The following PTPRR variants were observed in gnomAD, a reference collection of about 807,000 sequenced individuals.
PTPRR encodes the protein receptor-type tyrosine-protein phosphatase R.
A neutral mutation model predicts 77.2 loss-of-function variants in PTPRR; 38 were observed. The observed-to-expected ratio is 0.49, with a 90% CI of 0.38 to 0.65. The LOEUF is 0.65. PTPRR is among the 30% of genes least tolerant of loss of function. The pLI is 0.00. For synonymous variants in PTPRR, 299 were observed against 283.1 expected, an observed-to-expected ratio of 1.06 and a Z score of -0.57; for missense variants, 744 against 799.2, an observed-to-expected ratio of 0.93 and a Z score of 0.83.
intron 2 of PTPRR, among the ~76,000 whole-genome samples, chr12:70,824,172 C>T (rs1216761389): frequency 2.0e-5 from 3 of 152,184 alleles, no homozygotes; most frequent in Non-Finnish European, 4.4e-5. Context: ...AGTCCTTACA[C>T]AGCAGCTCAG....
intron 10 of PTPRR, among the ~76,000 whole-genome samples, chr12:70,666,686 T>C (rs1227818119): frequency 6.6e-6 from 1 of 152,092 alleles, no homozygotes. Flanking sequence ...GCATTTATAT[T>C]GTTTCATAGG....
intron 6 of PTPRR, among the ~76,000 whole-genome samples, chr12:70,726,712 C>T (rs11178379): frequency 0.7 from 106,427 of 151,664 alleles, 38,315 homozygotes; most frequent in East Asian, 1. Context: ...TCCCAAGTAG[C>T]TGGGATTACA....
chr12:70,670,498 T>G (rs549248723), intron 10 of PTPRR, among the ~76,000 whole-genome samples: 86 of 152,302 alleles, frequency 5.6e-4, no homozygotes, highest in African/African-American at 1.9e-3. Flanking sequence ...TAGAGGAAAA[T>G]AAACTGAATT....
chr12:70,677,738 G>A (rs892229716), intron 10 of PTPRR, among the ~76,000 whole-genome samples: 1 of 152,132 alleles, frequency 6.6e-6, no homozygotes, highest in Non-Finnish European at 1.5e-5. Flanking sequence ...AACCATTCTT[G>A]CATCCCTGGG....
intron 1 of PTPRR, among the ~76,000 whole-genome samples, chr12:70,914,383 G>A (rs1476718070): frequency 2.0e-5 from 3 of 152,134 alleles, no homozygotes; most frequent in East Asian, 1.9e-4. Context: ...TTTCACCTCC[G>A]ACATTATTAT....
intron 1 of PTPRR, among the ~76,000 whole-genome samples, chr12:70,896,426 C>T (rs1893429510): frequency 6.6e-6 from 1 of 151,176 alleles, no homozygotes; most frequent in South Asian, 2.1e-4. Context: ...CACCAGAATA[C>T]ACAATCTTTT....
chr12:70,863,065 T>G (rs1892781173), intron 2 of PTPRR, among the ~76,000 whole-genome samples: 1 of 152,174 alleles, frequency 6.6e-6, no homozygotes, highest in Non-Finnish European at 1.5e-5. Context: ...ATTGCCCTAT[T>G]CTCTACTAGA....
chr12:70,745,407 G>GCAT (rs1342934373), intron 6 of PTPRR, among the ~76,000 whole-genome samples: 1 of 152,188 alleles, frequency 6.6e-6, no homozygotes, highest in Non-Finnish European at 1.5e-5. Flanking sequence ...TTAATCTGTG[G>GCAT]CATCAACTCC....
At chr12:70,777,745 A>T (rs1305051630) in intron 2 of PTPRR, among the ~76,000 whole-genome samples, 1 of 152,138 alleles carries the variant, frequency 6.6e-6, no homozygotes. Flanking sequence ...AAACTGCATT[A>T]AAAATGGTGG....
At chr12:70,885,862 T>G (rs1893232326) in intron 2 of PTPRR, among the ~76,000 whole-genome samples, 1 of 152,076 alleles carries the variant, frequency 6.6e-6, no homozygotes, top group East Asian at 1.9e-4. Flanking sequence ...CCGCTTTTCC[T>G]TATCTAAACT....
intron 12 of PTPRR, among the ~76,000 whole-genome samples, chr12:70,659,012 C>T (rs1469816111): frequency 8.7e-5 from 13 of 148,844 alleles, no homozygotes; most frequent in Admixed American, 6.9e-4. Context: ...AAGCGATTCT[C>T]CTGCCTCCGC....
Position 70,639,008 on chromosome 12 carries a change from T to C in PTPRR, c.*176A>G, listed in dbSNP as rs145029505. On this transcript the variant is annotated 3_prime_UTR_variant, in exon 14 of 14. Transcript: ENST00000283228. Reference sequence around the variant, plus strand: ...TGGGGGATGCTTACAAATGCATTCATATACACAAGGAGCTGGAAATCTTAA... The same window carrying C: ...TGGGGGATGCTTACAAATGCATTCACATACACAAGGAGCTGGAAATCTTAA... 4 of 623,482 alleles carry C rather than the reference T, an allele frequency of 6.4e-6. No individual in the cohort carries two copies. The highest frequency in any genetic ancestry group is 5.5e-5 in the African/African-American group (3 of 54,720). The allele number at this position is 623,482 out of a possible 1,614,324, so 38.6% of individuals were successfully genotyped here.
intron 1 of PTPRR, among the ~76,000 whole-genome samples, chr12:70,906,674 A>G (rs11178483): frequency 0.025 from 3,771 of 152,200 alleles, 230 homozygotes; most frequent in East Asian, 0.18. Flanking sequence ...TGCCTTAGTT[A>G]TGTTCCAACA....
At chr12:70,911,253 C>T (rs1893694712) in intron 1 of PTPRR, among the ~76,000 whole-genome samples, 1 of 152,138 alleles carries the variant, frequency 6.6e-6, no homozygotes, top group African/African-American at 2.4e-5. Context: ...ATTCCATGGG[C>T]TACAAATGGT....
At chr12:70,673,064 AATAT>A in intron 10 of PTPRR, 1 of 1,180,486 alleles carries the variant, frequency 8.5e-7, no homozygotes, top group Non-Finnish European at 1.1e-6. Flanking sequence ...GAAAGAAAGA[AATAT>A]ATATTTGACT....
At chr12:70,640,632 T>A (rs1370848047) in intron 13 of PTPRR, among the ~76,000 whole-genome samples, 1 of 152,240 alleles carries the variant, frequency 6.6e-6, no homozygotes, top group East Asian at 1.9e-4. Flanking sequence ...TTTAACTCTA[T>A]GTTTTAACCA....
chr12:70,683,984 T>G, intron 10 of PTPRR, 143 bp downstream of exon 10: 1 of 810,110 alleles, frequency 1.2e-6, no homozygotes, highest in South Asian at 2.3e-5. Flanking sequence ...ACTTATTATA[T>G]TTGGGATGTA....
intron 1 of PTPRR, among the ~76,000 whole-genome samples, chr12:70,901,496 T>C (rs1893533529): frequency 6.6e-6 from 1 of 151,292 alleles, no homozygotes. Flanking sequence ...CAAACAAAAA[T>C]ATAAAGTGGG....
At position 70,753,654 on chromosome 12, in the gene PTPRR, C is replaced by T. The variant is rs568644857; in HGVS notation, c.738+537G>A. Among the ~76,000 whole-genome samples, 23 of 152,202 alleles carry T rather than the reference C, an allele frequency of 1.5e-4. No homozygotes were observed. The South Asian group carries it at 4.6e-3, about 30-fold the overall frequency. On this transcript the variant is annotated intron_variant, in intron 5 of 13. Coordinates refer to ENST00000283228, the MANE Select transcript of PTPRR (RefSeq NM_002849.4). ...CAGCATATACATTTATACTTTTGTACTATTTATCCACCTTAAAAATGAATT... is the reference window on the plus strand; with the variant it reads ...CAGCATATACATTTATACTTTTGTATTATTTATCCACCTTAAAAATGAATT...
Sources: gnomAD v4.1 joint callset for allele counts (sites outside exome capture counted in the v4.1 genomes callset) on GRCh38, gnomAD v4.1.1 for gene constraint, MANE v1.5 for transcripts, NCBI Gene and HGNC (gene_info 2026-07-23, HGNC 2026-07-21) for gene names.